The following NRXN1 variants were observed in gnomAD, a reference collection of about 807,000 sequenced individuals.
The protein encoded by NRXN1 is neurexin 1, also known as neurexin-1.
In NRXN1, 39 loss-of-function variants were observed where a neutral mutation model predicts 150.9. The ratio of observed to expected loss-of-function variants is 0.26; its 90% CI spans 0.20 to 0.34. NRXN1 has a LOEUF of 0.34. Ranked by LOEUF, NRXN1 falls within the 10% of genes least tolerant of loss-of-function variation. The pLI is 1.00. For missense variants in NRXN1, 1,815 were observed against 1,949.9 expected (o/e 0.93, Z 1.30); for synonymous variants, 924 against 757.0 (o/e 1.22, Z -3.62).
At chr2:50,426,699 C>T (rs187637532) in intron 17 of NRXN1, among the ~76,000 whole-genome samples, 2 of 152,112 alleles carry the variant, frequency 1.3e-5, no homozygotes, top group Admixed American at 6.5e-5. Flanking sequence ...GCATTCGGCC[C>T]GGAAAAATTT....
At position 50,114,106 on chromosome 2, in the gene NRXN1, C is replaced by T. The variant is rs550250966; in HGVS notation, c.3547-22612G>A. Among the ~76,000 whole-genome samples the T allele has an allele frequency of 4.5e-4, 69 of 151,998 alleles. 1 individual carries two copies. Among genetic ancestry groups the T allele is most frequent in the African/African-American group, 1.4e-3 (58 of 41,488 alleles). On this transcript the variant is annotated intron_variant, in intron 18 of 22. Coordinates refer to ENST00000401669, the MANE Select transcript of NRXN1 (RefSeq NM_001330078.2). Reference sequence around the variant, plus strand: ...GAGAAACTATTTGCAAAAGATATATCTGATAAAGGGCTGTGATCCAGAATA... The same window carrying T: ...GAGAAACTATTTGCAAAAGATATATTTGATAAAGGGCTGTGATCCAGAATA...
intron 18 of NRXN1, among the ~76,000 whole-genome samples, chr2:50,105,516 C>T (rs965660215): frequency 2.0e-5 from 3 of 151,896 alleles, no homozygotes; most frequent in African/African-American, 7.3e-5. Context: ...TGTTTATAGC[C>T]AACAGATTTA....
At position 50,333,463 on chromosome 2, in the gene NRXN1, G is replaced by A. The variant is rs1489432809; in HGVS notation, c.3365-96493C>T. Among the ~76,000 whole-genome samples the A allele has an allele frequency of 1.1e-4, 16 of 152,096 alleles. No homozygotes were observed. The East Asian group carries it at 3.1e-3, about 29-fold the overall frequency. ...CCAAACATCTCCCCAATATTAGCAT[G>A]ACATCTATCAGGCTCCTATAGAAAT... is the stretch of plus-strand genomic sequence containing the variant. On this transcript the variant is annotated intron_variant, in intron 17 of 22. Coordinates refer to ENST00000401669, the MANE Select transcript of NRXN1 (RefSeq NM_001330078.2).
At chr2:49,939,195 T>C (rs1436513910) in intron 22 of NRXN1, among the ~76,000 whole-genome samples, 1 of 152,200 alleles carries the variant, frequency 6.6e-6, no homozygotes, top group Non-Finnish European at 1.5e-5. Flanking sequence ...ATAACTATGC[T>C]GGAGCAATAA....
chr2:50,199,537 TACACACACACAC>T (rs67959182), intron 18 of NRXN1, among the ~76,000 whole-genome samples: 10 of 149,236 alleles, frequency 6.7e-5, no homozygotes, highest in Admixed American at 1.3e-4. Flanking sequence ...CTCTTTCTTA[TACACACACACAC>T]ACACACACAC....
At chr2:50,571,014 C>T (rs1337015171) in intron 8 of NRXN1, among the ~76,000 whole-genome samples, 1 of 152,082 alleles carries the variant, frequency 6.6e-6, no homozygotes, top group Admixed American at 6.6e-5. Context: ...AGAAATAACT[C>T]AGTAAACAAA....
intron 15 of NRXN1, among the ~76,000 whole-genome samples, chr2:50,484,142 A>G (rs2090695943): frequency 6.6e-6 from 1 of 152,216 alleles, no homozygotes; most frequent in Non-Finnish European, 1.5e-5. Context: ...GTAGCTTGAA[A>G]GGACAAAGTA....
intron 18 of NRXN1, among the ~76,000 whole-genome samples, chr2:50,147,227 G>C (rs748665782): frequency 1.3e-5 from 2 of 151,698 alleles, no homozygotes; most frequent in African/African-American, 2.4e-5. Context: ...GAAGAAGCTA[G>C]AGTAATGATG....
At chr2:50,224,650 G>C (rs990936259) in intron 18 of NRXN1, among the ~76,000 whole-genome samples, 1 of 151,016 alleles carries the variant, frequency 6.6e-6, no homozygotes, top group Non-Finnish European at 1.5e-5. Context: ...CCAAGTGTTA[G>C]AGGTTGGCAC....
At chr2:50,728,177 C>CTTTTTTTTTTTTTTTTTTTTTTT in intron 5 of NRXN1, among the ~76,000 whole-genome samples, 3 of 152,088 alleles carry the variant, frequency 2.0e-5, no homozygotes, top group African/African-American at 7.2e-5. Context: ...ACTTCTTCAT[C>CTTTTTTTTTTTTTTTTTTTTTTT]TTATTATAGA....
At chr2:50,472,079 G>T (rs1332614729) in intron 16 of NRXN1, among the ~76,000 whole-genome samples, 6 of 150,784 alleles carry the variant, frequency 4.0e-5, no homozygotes, top group Admixed American at 3.3e-4. Context: ...AAGATCCATA[G>T]ATATACCTCC....
chr2:50,415,881 C>T (rs1572889236), intron 17 of NRXN1, among the ~76,000 whole-genome samples: 1 of 147,642 alleles, frequency 6.8e-6, no homozygotes, highest in Non-Finnish European at 1.5e-5. Context: ...CTTGTAGTTT[C>T]ATCACTGTGA....
At chr2:50,187,173 GAATGAGACTCAACCA>G (rs1337597805) in intron 18 of NRXN1, among the ~76,000 whole-genome samples, 1 of 152,044 alleles carries the variant, frequency 6.6e-6, no homozygotes, top group Non-Finnish European at 1.5e-5. Context: ...AAGGAGTTCA[GAATGAGACTCAACCA>G]AATTATTGCG....
chr2:50,689,961 A>C (rs1026525978), intron 5 of NRXN1, among the ~76,000 whole-genome samples: 2 of 149,702 alleles, frequency 1.3e-5, no homozygotes, highest in African/African-American at 2.5e-5. Context: ...ATCTCGGCTC[A>C]CTGCAACCTC....
At position 50,053,389 on chromosome 2, in the gene NRXN1, T is replaced by C; in HGVS notation, c.4010A>G (p.Glu1337Gly). ...VGEVPSSMTT[E>G]STATAMQSEM... ...TGATTGCATGGCAGTGGCTGTTGAC[T>C]CAGTTGTCATAGAGGAAGGCACTTC... Residue 1337 changes from glutamate (E) to glycine (G), a missense_variant, in exon 21 of 23, where the codon GAG becomes GGG. Around this residue, in one of 6 missense-constraint regions of NRXN1, gnomAD observed 265 missense variants for 307.1 expected, o/e 0.86. Coordinates refer to ENST00000401669, the MANE Select transcript of NRXN1 (RefSeq NM_001330078.2). 6.2e-7 allele frequency: 1 copy of C among 1,613,988 alleles called. No homozygotes were observed. Among genetic ancestry groups the C allele is most frequent in the Non-Finnish European group, 8.5e-7 (1 of 1,179,932 alleles).
At chr2:50,134,504 CATGCTTTGGGAAG>C (rs1430737771) in intron 18 of NRXN1, among the ~76,000 whole-genome samples, 1 of 152,114 alleles carries the variant, frequency 6.6e-6, no homozygotes, top group African/African-American at 2.4e-5. Flanking sequence ...AAGCCTTCAC[CATGCTTTGGGAAG>C]ATGTTTGATA....
intron 5 of NRXN1, among the ~76,000 whole-genome samples, chr2:50,674,974 G>A (rs1689349400): frequency 6.6e-6 from 1 of 151,854 alleles, no homozygotes; most frequent in Admixed American, 6.6e-5. Flanking sequence ...CTTGGGTCAT[G>A]AGGGCAGATG....
intron 2 of NRXN1, among the ~76,000 whole-genome samples, chr2:50,937,543 G>A (rs1415031043): frequency 6.6e-6 from 1 of 152,080 alleles, no homozygotes; most frequent in Non-Finnish European, 1.5e-5. Context: ...AAAATAAACT[G>A]AAGGAGTTTA....
At chr2:50,376,548 T>C (rs539118606) in intron 17 of NRXN1, among the ~76,000 whole-genome samples, 2 of 152,302 alleles carry the variant, frequency 1.3e-5, no homozygotes, top group South Asian at 4.1e-4. Flanking sequence ...AGTCAAAACA[T>C]GTTTTTCTAT....
Sources: gnomAD v4.1 joint callset for allele counts (sites outside exome capture counted in the v4.1 genomes callset) on GRCh38, gnomAD v4.1.1 for gene constraint, gnomAD v4.1.1 regional missense constraint, MANE v1.5 for transcripts, NCBI Gene and HGNC (gene_info 2026-07-23, HGNC 2026-07-21) for gene names.